The following CNTN5 variants were observed in gnomAD, a reference collection of about 807,000 sequenced individuals.
The protein encoded by CNTN5 is contactin-5.
In CNTN5, 77 loss-of-function variants were observed where a neutral mutation model predicts 129.1. That is an observed-to-expected ratio of 0.60 (90% CI 0.50 to 0.72). The LOEUF (loss-of-function observed/expected upper bound fraction) is 0.72, where lower values mean the gene tolerates loss of function less well. Among genes scored for constraint, CNTN5 ranks in the 30% least tolerant of loss-of-function variants. The probability of loss-of-function intolerance (pLI) is 0.00; values close to 1 mark genes in which losing one functional copy is unlikely to be tolerated. For missense variants in CNTN5, 1,478 were observed against 1,328.8 expected (o/e 1.11, Z -1.75); for synonymous variants, 509 against 465.6 (o/e 1.09, Z -1.20).
intron 23 of CNTN5, among the ~76,000 whole-genome samples, chr11:100,348,604 A>T (rs1311879311): frequency 6.6e-6 from 1 of 151,972 alleles, no homozygotes; most frequent in Non-Finnish European, 1.5e-5. Context: ...TCCCCTGCCA[A>T]TCCTCACCAA....
chr11:99,434,950 A>G (rs1943543831), intron 2 of CNTN5, among the ~76,000 whole-genome samples: 1 of 152,152 alleles, frequency 6.6e-6, no homozygotes, highest in Non-Finnish European at 1.5e-5. Context: ...CTTGCATCCA[A>G]TTTTAGGATC....
At chr11:99,381,717 C>T (rs1940571471) in intron 2 of CNTN5, among the ~76,000 whole-genome samples, 1 of 152,114 alleles carries the variant, frequency 6.6e-6, no homozygotes, top group South Asian at 2.1e-4. Context: ...CTTTCTAGGA[C>T]TCCTATTATT....
At chr11:99,270,001 C>G (rs1023425880) in intron 1 of CNTN5, among the ~76,000 whole-genome samples, 1 of 151,780 alleles carries the variant, frequency 6.6e-6, no homozygotes, top group Non-Finnish European at 1.5e-5. Context: ...TATGGACTAG[C>G]CTTACATAAA....
chr11:99,949,469 T>C (rs958364235), intron 7 of CNTN5, among the ~76,000 whole-genome samples: 1 of 152,094 alleles, frequency 6.6e-6, no homozygotes, highest in Non-Finnish European at 1.5e-5. Flanking sequence ...AGGCAGGGAT[T>C]TGGGGGCTTT....
Position 100,357,930 on chromosome 11 carries a change from A to G in CNTN5, c.*1710A>G, listed in dbSNP as rs1952561645. Reference sequence around the variant, plus strand: ...AATTAGTTAAAAGACTCACTCAATGATATTATAGTAAATACTACAGATGGT... The same window carrying G: ...AATTAGTTAAAAGACTCACTCAATGGTATTATAGTAAATACTACAGATGGT... On this transcript the variant is annotated 3_prime_UTR_variant, in exon 25 of 25. Transcript: ENST00000524871. 5 of 151,826 alleles carry G rather than the reference A, an allele frequency of 3.3e-5. No individual in the cohort carries two copies. Among genetic ancestry groups the G allele is most frequent in the Admixed American group, 2.6e-4 (4 of 15,186 alleles). 9.4% of individuals were successfully genotyped at this position (151,826 alleles called of 1,614,324 possible).
intron 1 of CNTN5, among the ~76,000 whole-genome samples, chr11:99,156,361 A>AT (rs909224903): frequency 1.5e-4 from 23 of 152,148 alleles, no homozygotes; most frequent in Non-Finnish European, 2.9e-4. Flanking sequence ...CAATAATTGG[A>AT]TTTTTTTATC....
At position 99,622,436 on chromosome 11, in the gene CNTN5, A is replaced by G. The variant is rs538221139; in HGVS notation, c.55+66167A>G. Among the ~76,000 whole-genome samples, 15 of 152,290 alleles carry G rather than the reference A, an allele frequency of 9.8e-5. No homozygotes were observed. The East Asian group carries it at 1.9e-3, about 20-fold the overall frequency. On this transcript the variant is annotated intron_variant, in intron 3 of 24. Coordinates refer to ENST00000524871, the MANE Select transcript of CNTN5 (RefSeq NM_014361.4). ...AGATAATGAAAAACATGATTGTGCC[A>G]AAACTCTAGGAAAAGATTTATTCGG...
intron 13 of CNTN5, among the ~76,000 whole-genome samples, chr11:100,103,498 G>C (rs2138072643): frequency 6.6e-6 from 1 of 152,190 alleles, no homozygotes; most frequent in Admixed American, 6.5e-5. Flanking sequence ...CATTCCAAGT[G>C]TTTATAGCTC....
At chr11:99,800,451 T>C (rs1315674476) in intron 3 of CNTN5, among the ~76,000 whole-genome samples, 7 of 152,172 alleles carry the variant, frequency 4.6e-5, no homozygotes, top group Admixed American at 4.6e-4. Flanking sequence ...TCTGTAGATG[T>C]CAATTAGGTC....
chr11:99,961,618 A>G (rs1950948777), intron 8 of CNTN5, among the ~76,000 whole-genome samples: 1 of 152,240 alleles, frequency 6.6e-6, no homozygotes, highest in African/African-American at 2.4e-5. Flanking sequence ...GATTGAAGAC[A>G]TAACACACTG....
At chr11:99,176,811 G>A (rs1363732910) in intron 1 of CNTN5, among the ~76,000 whole-genome samples, 6 of 152,078 alleles carry the variant, frequency 3.9e-5, no homozygotes, top group African/African-American at 1.2e-4. Context: ...CCACCACTCA[G>A]TATGTTTCCA....
At chr11:99,881,177 T>G (rs989199259) in intron 6 of CNTN5, among the ~76,000 whole-genome samples, 2 of 152,208 alleles carry the variant, frequency 1.3e-5, no homozygotes, top group Non-Finnish European at 2.9e-5. Flanking sequence ...TTTTCTGTGC[T>G]GCAGGCAGTC....
chr11:99,747,259 G>A (rs1452420631), intron 3 of CNTN5, among the ~76,000 whole-genome samples: 2 of 151,982 alleles, frequency 1.3e-5, no homozygotes, highest in Non-Finnish European at 2.9e-5. Flanking sequence ...TTTGTATGTT[G>A]ATTTTGTATC....
chr11:99,244,926 A>C (rs1042774470), intron 1 of CNTN5, among the ~76,000 whole-genome samples: 1 of 152,338 alleles, frequency 6.6e-6, no homozygotes, highest in African/African-American at 2.4e-5. Flanking sequence ...TTGAGTTACT[A>C]CGTTACATTC....
Position 99,053,258 on chromosome 11 carries a change from A to G in CNTN5, c.-210+31988A>G, listed in dbSNP as rs192168440. 1.0e-3 allele frequency among the ~76,000 whole-genome samples: 158 copies of G among 152,044 alleles called. 1 individual carries two copies. Among genetic ancestry groups the G allele is most frequent in the African/African-American group, 3.6e-3 (151 of 41,536 alleles). ...AAGTTTTTGAAGAGCCTACTCCTAA[A>G]TTCTCCAGTGAACTAATTTTTTGCT... On this transcript the variant is annotated intron_variant, in intron 1 of 24. Coordinates refer to ENST00000524871, the MANE Select transcript of CNTN5 (RefSeq NM_014361.4).
intron 1 of CNTN5, among the ~76,000 whole-genome samples, chr11:99,230,925 T>C (rs574791199): frequency 2.1e-4 from 32 of 152,292 alleles, no homozygotes; most frequent in Middle Eastern, 3.4e-3. Flanking sequence ...TGTTCCTGAG[T>C]TAGTTTGCTG....
intron 9 of CNTN5, among the ~76,000 whole-genome samples, chr11:100,022,415 A>G (rs1038434568): frequency 1.2e-4 from 18 of 152,172 alleles, no homozygotes; most frequent in African/African-American, 3.4e-4. Context: ...TGTACATTCT[A>G]TTCTTTATTC....
intron 6 of CNTN5, among the ~76,000 whole-genome samples, chr11:99,871,554 G>T (rs1948503022): frequency 6.6e-6 from 1 of 151,972 alleles, no homozygotes; most frequent in South Asian, 2.1e-4. Flanking sequence ...CAACTATCCA[G>T]CATGTGTTTA....
In CNTN5 at chr11:99,675,123, A is replaced by G. The variant is rs147827126; in HGVS notation, c.55+118854A>G. Among the ~76,000 whole-genome samples, 265 of 152,216 alleles carry G rather than the reference A, an allele frequency of 1.7e-3. 2 individuals are homozygous for G. The highest frequency in any genetic ancestry group is 6.0e-3 in the African/African-American group (248 of 41,536). ...ACTCTATTGTTCATCCTACTAACTA[A>G]TTGTTGGAGTAAACATTGCTTCATG... is the stretch of plus-strand genomic sequence containing the variant. On this transcript the variant is annotated intron_variant, in intron 3 of 24. Transcript: ENST00000524871.
Sources: gnomAD v4.1 joint callset for allele counts (sites outside exome capture counted in the v4.1 genomes callset) on GRCh38, gnomAD v4.1.1 for gene constraint, MANE v1.5 for transcripts, NCBI Gene and HGNC (gene_info 2026-07-23, HGNC 2026-07-21) for gene names.